The following RBM5 variants were observed in gnomAD, a reference collection of about 807,000 sequenced individuals.
The protein encoded by RBM5 is RNA-binding protein 5.
A neutral mutation model predicts 124.6 loss-of-function variants in RBM5; 15 were observed. The ratio of observed to expected loss-of-function variants is 0.12; its 90% CI spans 0.08 to 0.19. RBM5 has a LOEUF of 0.19. RBM5 is among the 10% of genes least tolerant of loss of function. The pLI, the probability that RBM5 is intolerant of heterozygous loss-of-function variation, is 1.00. For synonymous variants in RBM5, 337 were observed against 361.2 expected, an observed-to-expected ratio of 0.93 and a Z score of 0.76; for missense variants, 580 against 1,026.5, an observed-to-expected ratio of 0.57 and a Z score of 5.94.
chr3:50,103,496 A>C lies in RBM5; in HGVS notation c.567+330A>C, dbSNP rs186964453. On this transcript the variant is annotated intron_variant, in intron 7 of 24. Transcript: ENST00000347869. ...ACCCCGTCTCTACTAAAAATACAAA[A>C]ATTAGCTGGGCATCACGGTGCGCGC... Among the ~76,000 whole-genome samples the C allele has an allele frequency of 6.6e-3, 998 of 152,142 alleles. 18 individuals are homozygous for C. The highest frequency in any genetic ancestry group is 3.8e-3 in the Non-Finnish European group (260 of 68,000).
chr3:50,096,145 T>C (rs1302539359), intron 4 of RBM5, among the ~76,000 whole-genome samples: 1 of 152,024 alleles, frequency 6.6e-6, no homozygotes, highest in African/African-American at 2.4e-5. Context: ...TCAAAAAAGC[T>C]TATGGATGAG....
chr3:50,116,131 C>T, intron 22 of RBM5, 151 bp downstream of exon 22: 1 of 706,636 alleles, frequency 1.4e-6, no homozygotes, highest in South Asian at 1.8e-5. Flanking sequence ...TAGCCTAGAC[C>T]CAGCCTCTGT....
In RBM5 at chr3:50,117,391, G is replaced by A. The variant is rs769014594; in HGVS notation, c.2322+12G>A. ...CGGCTCCCATTGAGGTAAGCAGTGG[G>A]GTCAGGTCTTGATGTTTGCCAGGCT... On this transcript the variant is annotated intron_variant, in intron 24 of 24. Transcript: ENST00000347869. The surrounding 1 kb of genome is among the most constrained non-coding windows in gnomAD (Gnocchi z 4.2). The A allele has an allele frequency of 6.2e-7, 1 of 1,613,364 alleles. No individual in the cohort carries two copies. Among genetic ancestry groups the A allele is most frequent in the Non-Finnish European group, 8.5e-7 (1 of 1,179,944 alleles).
intron 4 of RBM5, among the ~76,000 whole-genome samples, chr3:50,096,352 A>G (rs928612909): frequency 2.6e-5 from 4 of 151,290 alleles, no homozygotes; most frequent in African/African-American, 7.3e-5. Context: ...GCCAGTCTTA[A>G]TGGCGCTTGT....
intron 7 of RBM5, 107 bp from the exon 8 acceptor site, chr3:50,104,141 C>T: frequency 2.3e-6 from 2 of 874,344 alleles, no homozygotes; most frequent in African/African-American, 1.7e-5. Flanking sequence ...GTGAGACTTT[C>T]TGCTTTTCTG....
chr3:50,112,060 CTT>C lies in RBM5; in HGVS notation c.1456-1303_1456-1302del, dbSNP rs78447913. On this transcript the variant is annotated intron_variant, in intron 17 of 24. Transcript: ENST00000347869. The stretch of plus-strand genomic sequence containing the variant: ...CTGGCCATTTATTTCCCTGTCAGTT[CTT>C]TTTTTTTTTTTTTTTTTTTCCCGTC... 813 of 107,726 alleles carry C rather than the reference CTT, an allele frequency of 7.5e-3. 7 individuals carry two copies. Among genetic ancestry groups the C allele is most frequent in the African/African-American group, 0.025 (737 of 28,998 alleles). 6.7% of individuals were successfully genotyped at this position (107,726 alleles called of 1,614,324 possible). A position where few individuals can be genotyped will look rare whatever the true frequency, so the allele number is the denominator to read the frequency against.
At chr3:50,107,667 CTTTTCTTTTTTTTTTT>C in intron 12 of RBM5, 98 bp downstream of exon 12, 1 of 135,134 alleles carries the variant, frequency 7.4e-6, no homozygotes. Flanking sequence ...GAGCTCTTTT[CTTTTCTTTTTTTTTTT>C]TTTTTTTTTT....
At chr3:50,099,124 G>A (rs1316658454) in intron 4 of RBM5, among the ~76,000 whole-genome samples, 2 of 152,020 alleles carry the variant, frequency 1.3e-5, no homozygotes, top group Non-Finnish European at 2.9e-5. Flanking sequence ...GTGTGGTGGT[G>A]TGCATTTGTA....
chr3:50,110,985 TACAC>T (rs2091133581), intron 17 of RBM5: 1 of 533,370 alleles, frequency 1.9e-6, no homozygotes, highest in Non-Finnish European at 3.3e-6. Context: ...CACAAAAAAA[TACAC>T]AAAACAGAAA....
intron 1 of RBM5, among the ~76,000 whole-genome samples, chr3:50,089,613 C>G (rs1413140876): frequency 6.6e-6 from 1 of 152,218 alleles, no homozygotes; most frequent in African/African-American, 2.4e-5. Context: ...CTTGTTTCCC[C>G]CCAGTGGTTC....
chr3:50,107,952 C>T, intron 12 of RBM5, 118 bp from the exon 13 acceptor site: 1 of 863,504 alleles, frequency 1.2e-6, no homozygotes, highest in Non-Finnish European at 1.9e-6. Context: ...TCCCAAAGTG[C>T]TGGGATTACA....
At chr3:50,116,796 G>A in intron 22 of RBM5, 1 of 422,810 alleles carries the variant, frequency 2.4e-6, no homozygotes, top group Non-Finnish European at 4.4e-6. Flanking sequence ...CCAGTGGGCT[G>A]GTTGAGTAGC....
In RBM5 at chr3:50,093,730, A is replaced by G; in HGVS notation, c.194A>G (p.Glu65Gly). 6.2e-7 allele frequency: 1 copy of G among 1,612,836 alleles called. No individual in the cohort carries two copies. Among genetic ancestry groups the G allele is most frequent in the Non-Finnish European group, 8.5e-7 (1 of 1,178,940 alleles). ...RDYDSPERER[E>G]RRNSDRSEDG... ...TTTATTGTAACTCAGAGAGAGCGTG[A>G]AAGAAGGAACAGTGACCGATCCGAA... The change falls in exon 4 of 25, where the codon GAA becomes GGA. Residue 65 changes from glutamate to glycine, a missense_variant. Glu to Gly is a moderately conservative substitution (Grantham distance 98). Around this residue, in one of 6 missense-constraint regions of RBM5, gnomAD observed 99 missense variants for 121.1 expected, o/e 0.82. Coordinates refer to ENST00000347869, the MANE Select transcript of RBM5 (RefSeq NM_005778.4).
At chr3:50,109,953 C>T (rs548900328) in intron 15 of RBM5, 1 of 344,380 alleles carries the variant, frequency 2.9e-6, no homozygotes, top group Non-Finnish European at 5.3e-6. Context: ...TGGCTCGCGC[C>T]TGTAATCCCA....
chr3:50,109,573 G>C (rs373772960), intron 14 of RBM5, 30 bp from the exon 15 acceptor site: 35 of 1,595,116 alleles, frequency 2.2e-5, no homozygotes, highest in Non-Finnish European at 2.9e-5. Context: ...CAGTGCCTTG[G>C]CTTTCCCTAA....
chr3:50,113,316 C>T, intron 17 of RBM5, 67 bp from the exon 18 acceptor site: 3 of 1,496,328 alleles, frequency 2.0e-6, no homozygotes, highest in South Asian at 2.5e-5. Flanking sequence ...TTTTTTTTGA[C>T]AAAATATGTA....
chr3:50,110,842 G>C, intron 17 of RBM5, 72 bp downstream of exon 17: 1 of 1,221,002 alleles, frequency 8.2e-7, no homozygotes, highest in South Asian at 1.5e-5. Context: ...GGCATAAAAT[G>C]AAATATTTCC....
intron 8 of RBM5, chr3:50,104,630 A>G (rs1463049920): frequency 7.0e-6 from 2 of 286,458 alleles, no homozygotes; most frequent in Non-Finnish European, 1.3e-5. Context: ...GCAACAAACA[A>G]GACCCTGCCT....
At chr3:50,108,376 A>G in intron 14 of RBM5, 72 bp downstream of exon 14, 1 of 1,362,408 alleles carries the variant, frequency 7.3e-7, no homozygotes. Flanking sequence ...TAAATGTCCT[A>G]ACTGGACCAA....
Sources: allele counts gnomAD v4.1 joint callset (sites outside exome capture counted in the v4.1 genomes callset), GRCh38; gene constraint gnomAD v4.1.1; regional missense constraint gnomAD v4.1.1; non-coding constraint Gnocchi (gnomAD v3.1); transcripts MANE v1.5; gene names NCBI Gene and HGNC (gene_info 2026-07-23, HGNC 2026-07-21).